Variants in PXDNL observed in about 807,000 individuals in gnomAD.
PXDNL encodes probable oxidoreductase PXDNL.
PXDNL carries 145 observed loss-of-function variants against 150.8 expected under a neutral mutation model. The observed-to-expected ratio is 0.96, with a 90% confidence interval of 0.84 to 1.10. PXDNL has a LOEUF of 1.10. PXDNL is among the 50% of genes least tolerant of loss of function. The pLI, the probability that PXDNL is intolerant of heterozygous loss-of-function variation, is 0.00. For missense variants in PXDNL, 2,087 were observed against 1,873.9 expected, an observed-to-expected ratio of 1.11 and a Z score of -2.10; for synonymous variants, 757 against 725.7, an observed-to-expected ratio of 1.04 and a Z score of -0.69.
chr8:51,596,210 T>TTG (rs1213884391), intron 2 of PXDNL, among the ~76,000 whole-genome samples: 1 of 152,196 alleles, frequency 6.6e-6, no homozygotes, highest in African/African-American at 2.4e-5. Context: ...TGCATCCATG[T>TTG]TGTTGCAAGG....
intron 3 of PXDNL, among the ~76,000 whole-genome samples, chr8:51,577,999 GAGGAAGGAAGGAAGGA>G (rs200324232): frequency 0.018 from 556 of 31,458 alleles, 25 homozygotes; most frequent in Non-Finnish European, 0.021. Flanking sequence ...AAGAAAGAAA[GAGGAAGGAAGGAAGGA>G]AGGAAGGAAG....
Position 51,489,680 on chromosome 8 carries a change from T to C in PXDNL, c.453-5966A>G, listed in dbSNP as rs546158474. On this transcript the variant is annotated intron_variant, in intron 5 of 22. Coordinates refer to ENST00000356297, the MANE Select transcript of PXDNL (RefSeq NM_144651.5). ...AAAATAAAATTGATTTCCTATAAAA[T>C]AGAATCATAATAGGCTAGAAGAAAT... 5.9e-5 allele frequency among the ~76,000 whole-genome samples: 9 copies of C among 152,258 alleles called. No homozygotes were observed. In the South Asian group the frequency reaches 8.3e-4, roughly 14 times the overall value.
chr8:51,514,921 A>C (rs1429720199), intron 4 of PXDNL, among the ~76,000 whole-genome samples: 1 of 152,244 alleles, frequency 6.6e-6, no homozygotes, highest in African/African-American at 2.4e-5. Flanking sequence ...CCATTTCATA[A>C]CATACACATT....
chr8:51,468,669 G>T (rs1292040825), intron 8 of PXDNL, among the ~76,000 whole-genome samples: 1 of 151,686 alleles, frequency 6.6e-6, no homozygotes, highest in Non-Finnish European at 1.5e-5. Flanking sequence ...CTTCCCTTTT[G>T]TGGATTGATC....
chr8:51,530,690 C>T (rs1431219140), intron 4 of PXDNL, among the ~76,000 whole-genome samples: 1 of 152,154 alleles, frequency 6.6e-6, no homozygotes, highest in Non-Finnish European at 1.5e-5. Context: ...TGCGCTCACA[C>T]TCTGCGTGTA....
intron 1 of PXDNL, among the ~76,000 whole-genome samples, chr8:51,669,333 A>C (rs1293449535): frequency 6.6e-6 from 1 of 152,222 alleles, no homozygotes; most frequent in Non-Finnish European, 1.5e-5. Flanking sequence ...AACTAAAAAG[A>C]AAAAACTTCT....
intron 1 of PXDNL, among the ~76,000 whole-genome samples, chr8:51,711,458 T>C (rs548709298): frequency 7.9e-5 from 12 of 152,332 alleles, no homozygotes; most frequent in African/African-American, 2.9e-4. Flanking sequence ...CTTGAACATA[T>C]CAATGTATTG....
intron 3 of PXDNL, among the ~76,000 whole-genome samples, chr8:51,573,432 G>A (rs1812987294): frequency 6.6e-6 from 1 of 151,982 alleles, no homozygotes; most frequent in African/African-American, 2.4e-5. Context: ...AGAACAAGTG[G>A]ATAGTCAGTA....
intron 1 of PXDNL, among the ~76,000 whole-genome samples, chr8:51,658,110 G>A (rs1815190546): frequency 6.6e-6 from 1 of 152,064 alleles, no homozygotes; most frequent in Admixed American, 6.6e-5. Flanking sequence ...TTGGGAGGCT[G>A]AGGCAGGAGG....
chr8:51,364,406 G>A (rs1200316512), intron 19 of PXDNL, among the ~76,000 whole-genome samples: 1 of 152,176 alleles, frequency 6.6e-6, no homozygotes, highest in East Asian at 1.9e-4. Context: ...TTTCTCCCCA[G>A]AAGAAGATAA....
At chr8:51,397,794 G>A (rs1808130180) in intron 17 of PXDNL, among the ~76,000 whole-genome samples, 1 of 151,918 alleles carries the variant, frequency 6.6e-6, no homozygotes, top group South Asian at 2.1e-4. Context: ...TAGGGTACAT[G>A]TGCACAACGT....
intron 4 of PXDNL, among the ~76,000 whole-genome samples, chr8:51,509,286 A>G (rs1277957154): frequency 6.6e-6 from 1 of 152,220 alleles, no homozygotes; most frequent in African/African-American, 2.4e-5. Context: ...TTTATAAAGA[A>G]GAATGCAAGA....
chr8:51,601,614 G>A (rs185350888), intron 2 of PXDNL, among the ~76,000 whole-genome samples: 51 of 152,012 alleles, frequency 3.4e-4, no homozygotes, highest in Admixed American at 3.0e-3. Context: ...GTGTCATCAT[G>A]TCTGAGTTGA....
chr8:51,343,230 G>A lies in PXDNL; in HGVS notation c.4016+2603C>T, dbSNP rs186998357. Among the ~76,000 whole-genome samples the A allele has an allele frequency of 4.6e-4, 70 of 151,596 alleles. 1 individual carries two copies. In the Middle Eastern group the frequency reaches 0.01, roughly 22 times the overall value. ...AGAGAGGATAAGTGCAAGTAAAATG[G>A]GCACACAGAGAAAACAAGAAGTGAA... On this transcript the variant is annotated intron_variant, in intron 20 of 22. Transcript: ENST00000356297.
intron 5 of PXDNL, among the ~76,000 whole-genome samples, chr8:51,485,964 A>G (rs1383478146): frequency 1.3e-5 from 2 of 152,220 alleles, no homozygotes; most frequent in African/African-American, 4.8e-5. Flanking sequence ...AGTAGATTGC[A>G]CTAAACCTCG....
intron 1 of PXDNL, among the ~76,000 whole-genome samples, chr8:51,741,756 T>C (rs2036908696): frequency 1.3e-5 from 2 of 152,198 alleles, no homozygotes; most frequent in African/African-American, 4.8e-5. Flanking sequence ...CACATGTCAG[T>C]GATGCGGGTG....
chr8:51,543,522 C>A (rs1812269113), intron 4 of PXDNL, among the ~76,000 whole-genome samples: 1 of 151,832 alleles, frequency 6.6e-6, no homozygotes, highest in Non-Finnish European at 1.5e-5. Flanking sequence ...ACAATCCTGG[C>A]TAACATGGTG....
intron 19 of PXDNL, among the ~76,000 whole-genome samples, chr8:51,359,154 T>TAAA (rs10637777): frequency 1.3e-5 from 2 of 151,828 alleles, no homozygotes; most frequent in African/African-American, 4.8e-5. Context: ...TGAGCCAAGA[T>TAAA]AAAAAAAGTC....
chr8:51,368,832 C>A (rs1306432409), intron 19 of PXDNL, among the ~76,000 whole-genome samples: 2 of 151,932 alleles, frequency 1.3e-5, no homozygotes, highest in Non-Finnish European at 2.9e-5. Flanking sequence ...CCTGTCTCTA[C>A]TAAAAATACA....
Sources: gnomAD v4.1 joint callset for allele counts (sites outside exome capture counted in the v4.1 genomes callset) on GRCh38, gnomAD v4.1.1 for gene constraint, MANE v1.5 for transcripts, NCBI Gene and HGNC (gene_info 2026-07-23, HGNC 2026-07-21) for gene names.